Variants in DGKI observed in about 807,000 individuals in gnomAD.
The protein encoded by DGKI is diacylglycerol kinase iota.
In DGKI, 55 loss-of-function variants were observed where a neutral mutation model predicts 147.5. The observed-to-expected ratio is 0.37, with a 90% CI of 0.30 to 0.47. The LOEUF is 0.47. Among genes scored for constraint, DGKI ranks in the 20% least tolerant of loss-of-function variants. DGKI has a pLI of 1.00. For missense variants in DGKI, 1,007 were observed against 1,323.8 expected (o/e 0.76, Z 3.71); for synonymous variants, 469 against 477.1 (o/e 0.98, Z 0.22).
At chr7:137,433,837 G>A (rs1813175779) in intron 28 of DGKI, among the ~76,000 whole-genome samples, 1 of 152,188 alleles carries the variant, frequency 6.6e-6, no homozygotes, top group Non-Finnish European at 1.5e-5. Context: ...TAAACTAGGG[G>A]CCGGGCGTGG....
At chr7:137,773,075 G>T (rs932193922) in intron 1 of DGKI, among the ~76,000 whole-genome samples, 2 of 152,150 alleles carry the variant, frequency 1.3e-5, no homozygotes, top group Non-Finnish European at 2.9e-5. Flanking sequence ...TACAAGAAGG[G>T]ACCCATGGGT....
chr7:137,517,225 A>G (rs1563063621), intron 21 of DGKI, among the ~76,000 whole-genome samples: 1 of 137,418 alleles, frequency 7.3e-6, no homozygotes, highest in Admixed American at 7.3e-5. Context: ...AAAGAAAAGA[A>G]AAAGAAAGAA....
chr7:137,524,144 G>A lies in DGKI; in HGVS notation c.2148-2178C>T, dbSNP rs144248113. On this transcript the variant is annotated intron_variant, in intron 20 of 32. Coordinates refer to ENST00000614521, the MANE Select transcript of DGKI (RefSeq NM_001321708.2). ...GGTTAAGTAAACCAGAGAACACTGGGCAGAGAGTACAAATGAATGTGTAGG... is the reference window on the plus strand; with the variant it reads ...GGTTAAGTAAACCAGAGAACACTGGACAGAGAGTACAAATGAATGTGTAGG... Among the ~76,000 whole-genome samples the A allele has an allele frequency of 3.0e-3, 440 of 146,332 alleles. 4 individuals are homozygous for A. Among genetic ancestry groups the A allele is most frequent in the Non-Finnish European group, 5.5e-3 (375 of 67,988 alleles).
chr7:137,420,132 CAT>C lies in DGKI; in HGVS notation c.2762-7927_2762-7926del, dbSNP rs199545382. Reference sequence around the variant, plus strand: ...ATCGGCTAGGAGCCTTGGATCCTCTCATGTGGGATTCCTGGGCTTCCCGTGTG... The same window carrying C: ...ATCGGCTAGGAGCCTTGGATCCTCTCGTGGGATTCCTGGGCTTCCCGTGTG... On this transcript the variant is annotated intron_variant, in intron 28 of 32. Transcript: ENST00000614521. 6.8e-3 allele frequency among the ~76,000 whole-genome samples: 1,031 copies of C among 152,306 alleles called. 9 individuals are homozygous for C. Among genetic ancestry groups the C allele is most frequent in the Middle Eastern group, 0.065 (19 of 294 alleles).
intron 2 of DGKI, among the ~76,000 whole-genome samples, chr7:137,687,561 G>C (rs957794304): frequency 9.2e-5 from 14 of 152,158 alleles, no homozygotes; most frequent in Admixed American, 7.9e-4. Flanking sequence ...TTTAGCCAAA[G>C]AAAAAGTCAC....
chr7:137,408,514 G>A (rs1465353766), intron 29 of DGKI, among the ~76,000 whole-genome samples: 1 of 152,094 alleles, frequency 6.6e-6, no homozygotes, highest in Non-Finnish European at 1.5e-5. Context: ...CTGAATACAA[G>A]TATAGACACA....
chr7:137,826,003 ATT>A (rs1798048780), intron 1 of DGKI, among the ~76,000 whole-genome samples: 1 of 152,222 alleles, frequency 6.6e-6, no homozygotes, highest in Non-Finnish European at 1.5e-5. Flanking sequence ...TAGTCTCCAC[ATT>A]ATTAACAATT....
At chr7:137,574,064 A>T (rs1382252167) in intron 17 of DGKI, among the ~76,000 whole-genome samples, 1 of 152,180 alleles carries the variant, frequency 6.6e-6, no homozygotes, top group Non-Finnish European at 1.5e-5. Flanking sequence ...GCTCCCTGCA[A>T]ATTCTGAAAG....
intron 8 of DGKI, among the ~76,000 whole-genome samples, chr7:137,609,819 G>A (rs1481354002): frequency 6.6e-6 from 1 of 152,052 alleles, no homozygotes; most frequent in Non-Finnish European, 1.5e-5. Context: ...ACCACACGGA[G>A]AGGCAGGGAG....
intron 1 of DGKI, among the ~76,000 whole-genome samples, chr7:137,714,929 TC>T (rs1219923711): frequency 9.2e-5 from 14 of 152,164 alleles, no homozygotes; most frequent in African/African-American, 4.8e-5. Context: ...TAAGTATGAA[TC>T]CTTCCACCTG....
intron 23 of DGKI, among the ~76,000 whole-genome samples, chr7:137,472,323 T>A (rs1585147868): frequency 9.9e-6 from 1 of 100,850 alleles, no homozygotes; most frequent in Non-Finnish European, 1.8e-5. Flanking sequence ...CATATAATTA[T>A]TATATGTATA....
chr7:137,456,740 A>G (rs918715069), intron 27 of DGKI, among the ~76,000 whole-genome samples: 4 of 152,212 alleles, frequency 2.6e-5, no homozygotes, highest in African/African-American at 4.8e-5. Context: ...AAGGGCGAGA[A>G]TTTCCTGGGA....
Position 137,608,950 on chromosome 7 carries a change from A to T in DGKI, c.1167+16T>A, listed in dbSNP as rs752205599. On this transcript the variant is annotated intron_variant, in intron 10 of 32. Transcript: ENST00000614521. ...TATCAAAACTTCTAAGTTGAAAATC[A>T]TGAAAAATTACTCACCTGGTTGCCT... is the stretch of plus-strand genomic sequence containing the variant. The T allele has an allele frequency of 1.3e-6, 2 of 1,585,564 alleles. No homozygotes were observed. Among genetic ancestry groups the T allele is most frequent in the Admixed American group, 3.3e-5 (2 of 59,834 alleles).
At chr7:137,483,952 G>A (rs1815462881) in intron 23 of DGKI, among the ~76,000 whole-genome samples, 1 of 152,006 alleles carries the variant, frequency 6.6e-6, no homozygotes, top group African/African-American at 2.4e-5. Flanking sequence ...TATGCAAATA[G>A]TCACTCTGAT....
chr7:137,598,697 T>C (rs1274547652), intron 11 of DGKI, among the ~76,000 whole-genome samples: 2 of 152,180 alleles, frequency 1.3e-5, no homozygotes, highest in African/African-American at 4.8e-5. Context: ...ATGGTTTTTT[T>C]CTGAAAATAT....
At chr7:137,484,903 G>C (rs1056149845) in intron 23 of DGKI, among the ~76,000 whole-genome samples, 4 of 151,974 alleles carry the variant, frequency 2.6e-5, no homozygotes, top group African/African-American at 9.7e-5. Flanking sequence ...ACATAGTCCT[G>C]GTTGCTAATG....
At chr7:137,756,501 C>T (rs1484843093) in intron 1 of DGKI, among the ~76,000 whole-genome samples, 1 of 152,118 alleles carries the variant, frequency 6.6e-6, no homozygotes, top group Non-Finnish European at 1.5e-5. Flanking sequence ...AAAGTAAGAT[C>T]GGCAAACAAA....
chr7:137,394,898 G>A (rs1200959084), intron 32 of DGKI, among the ~76,000 whole-genome samples: 9 of 152,134 alleles, frequency 5.9e-5, no homozygotes, highest in Non-Finnish European at 1.2e-4. Flanking sequence ...TGGGCTGGAC[G>A]TCAAAAGAGC....
intron 21 of DGKI, among the ~76,000 whole-genome samples, chr7:137,516,406 A>G (rs1406581555): frequency 2.6e-5 from 4 of 152,144 alleles, no homozygotes; most frequent in African/African-American, 7.2e-5. Context: ...TGCATCGCCC[A>G]AGGTCACACA....
Sources: gnomAD v4.1 joint callset for allele counts (sites outside exome capture counted in the v4.1 genomes callset) on GRCh38, gnomAD v4.1.1 for gene constraint, MANE v1.5 for transcripts, NCBI Gene and HGNC (gene_info 2026-07-23, HGNC 2026-07-21) for gene names.